RAD51B: variants seen among roughly 807,000 people sequenced by gnomAD.
RAD51B encodes DNA repair protein RAD51 homolog 2.
Under a neutral mutation model 42.2 loss-of-function variants are expected in RAD51B, and 38 were observed. The observed-to-expected ratio is 0.90, with a 90% CI of 0.70 to 1.18. RAD51B has a LOEUF of 1.18. Ranked by LOEUF, RAD51B falls within the 50% of genes most tolerant of loss-of-function variation. The pLI is 0.00. For synonymous variants in RAD51B, 154 were observed against 145.2 expected (o/e 1.06, Z -0.43); for missense variants, 373 against 400.7 (o/e 0.93, Z 0.59).
At chr14:67,900,711 T>C (rs1269411011) in intron 7 of RAD51B, among the ~76,000 whole-genome samples, 1 of 151,334 alleles carries the variant, frequency 6.6e-6, no homozygotes, top group Non-Finnish European at 1.5e-5. Flanking sequence ...ATGCCCATAG[T>C]TATTAAGTAC....
chr14:68,479,380 G>T (rs1196464948), downstream of RAD51B, among the ~76,000 whole-genome samples: 4 of 152,172 alleles, frequency 2.6e-5, no homozygotes, highest in East Asian at 5.8e-4. Flanking sequence ...GAAGGCCGTT[G>T]TCACCTTCCC....
intron 8 of RAD51B, among the ~76,000 whole-genome samples, chr14:68,391,148 T>TTCTTTCTTTCTTTC (rs1329046928): frequency 2.7e-5 from 4 of 147,300 alleles, no homozygotes; most frequent in African/African-American, 1.1e-4. Flanking sequence ...CTTTCTTTCT[T>TTCTTTCTTTCTTTC]TCTTTCTTTC....
chr14:68,580,954 T>G (rs1890183096), intron 10 of RAD51B, among the ~76,000 whole-genome samples: 1 of 152,188 alleles, frequency 6.6e-6, no homozygotes, highest in Admixed American at 6.5e-5. Context: ...CTGAGGGAGC[T>G]CCTGCTTTTC....
chr14:68,518,657 G>T (rs1886349251), intron 10 of RAD51B, among the ~76,000 whole-genome samples: 1 of 147,486 alleles, frequency 6.8e-6, no homozygotes, highest in East Asian at 2.0e-4. Flanking sequence ...AATGTGACTT[G>T]ACCAGAAAGC....
At chr14:68,078,100 T>C (rs1595366374) in intron 7 of RAD51B, among the ~76,000 whole-genome samples, 1 of 152,370 alleles carries the variant, frequency 6.6e-6, no homozygotes, top group Non-Finnish European at 1.5e-5. Context: ...GTATGCACTA[T>C]TATAATAATA....
At chr14:68,438,353 G>T (rs1046494563) in intron 9 of RAD51B, among the ~76,000 whole-genome samples, 1 of 152,132 alleles carries the variant, frequency 6.6e-6, no homozygotes, top group African/African-American at 2.4e-5. Flanking sequence ...GTGGGAAGGG[G>T]GTTGTTCCTG....
At chr14:68,514,579 G>T (rs1228846045) in intron 10 of RAD51B, among the ~76,000 whole-genome samples, 2 of 152,132 alleles carry the variant, frequency 1.3e-5, no homozygotes. Context: ...CTCCCAGGCA[G>T]CCCTTCTAGT....
chr14:68,421,877 G>C, intron 9 of RAD51B: 1 of 1,593,656 alleles, frequency 6.3e-7, no homozygotes, highest in Non-Finnish European at 8.6e-7. Context: ...AACCATTTGT[G>C]TTGGGTCCAG....
At chr14:68,331,407 T>C (rs34870007) in intron 8 of RAD51B, among the ~76,000 whole-genome samples, 1 of 114,326 alleles carries the variant, frequency 8.7e-6, no homozygotes, top group Non-Finnish European at 2.1e-5. Context: ...GGCATTATTG[T>C]GGTTTCAATG....
At chr14:68,568,713 G>A (rs943490777) in intron 10 of RAD51B, among the ~76,000 whole-genome samples, 4 of 152,206 alleles carry the variant, frequency 2.6e-5, no homozygotes, top group Admixed American at 1.3e-4. Context: ...GGAACGGGCA[G>A]CCATTTTCAA....
At chr14:68,087,922 A>T (rs1400039197) in intron 7 of RAD51B, among the ~76,000 whole-genome samples, 2 of 111,718 alleles carry the variant, frequency 1.8e-5, no homozygotes, top group Non-Finnish European at 3.3e-5. Flanking sequence ...ATAATATATT[A>T]TATATAATTA....
chr14:68,604,585 G>A (rs772721963), intron 10 of RAD51B, among the ~76,000 whole-genome samples: 19 of 152,154 alleles, frequency 1.2e-4, no homozygotes, highest in Non-Finnish European at 2.5e-4. Context: ...GCCCTTCCTC[G>A]GCCCTGCCCA....
chr14:67,939,995 T>C (rs964152294), intron 7 of RAD51B, among the ~76,000 whole-genome samples: 27 of 121,898 alleles, frequency 2.2e-4, no homozygotes, highest in African/African-American at 7.5e-4. Flanking sequence ...AAAAAGTATA[T>C]ATATAAAACT....
intron 11 of RAD51B, among the ~76,000 whole-genome samples, chr14:68,674,081 G>A (rs1276876162): frequency 6.6e-6 from 1 of 151,676 alleles, no homozygotes; most frequent in Non-Finnish European, 1.5e-5. Flanking sequence ...CACACATACT[G>A]TACACAGGTA....
intron 7 of RAD51B, among the ~76,000 whole-genome samples, chr14:68,104,435 A>G (rs1227043414): frequency 6.6e-6 from 1 of 152,176 alleles, no homozygotes; most frequent in East Asian, 1.9e-4. Flanking sequence ...AAACCAATAA[A>G]TAGTATTATT....
chr14:68,497,694 C>A, intron 10 of RAD51B: 1 of 309,752 alleles, frequency 3.2e-6, no homozygotes, highest in Non-Finnish European at 5.3e-6. Flanking sequence ...ATTTCCCCCT[C>A]CTCCCAGCTC....
intron 8 of RAD51B, among the ~76,000 whole-genome samples, chr14:68,314,791 C>T (rs1027241179): frequency 4.6e-5 from 7 of 152,164 alleles, no homozygotes; most frequent in African/African-American, 9.7e-5. Flanking sequence ...TCCTGTAGAG[C>T]GTGCGACCAA....
intron 7 of RAD51B, among the ~76,000 whole-genome samples, chr14:68,100,938 G>A (rs1267872451): frequency 6.6e-6 from 1 of 152,214 alleles, no homozygotes; most frequent in Non-Finnish European, 1.5e-5. Flanking sequence ...AAGGAAAGAG[G>A]TTTAATTGAC....
chr14:68,579,978 G>A (rs1414312285), intron 10 of RAD51B, among the ~76,000 whole-genome samples: 1 of 152,234 alleles, frequency 6.6e-6, no homozygotes, highest in African/African-American at 2.4e-5. Flanking sequence ...AGGGGGCGGT[G>A]CCCGCAAGTG....
Sources: allele counts gnomAD v4.1 joint callset (sites outside exome capture counted in the v4.1 genomes callset), GRCh38; gene constraint gnomAD v4.1.1; transcripts MANE v1.5; gene names NCBI Gene and HGNC (gene_info 2026-07-23, HGNC 2026-07-21).